Variants in BCL11A observed in about 807,000 individuals in gnomAD.
BCL11A encodes the protein B cell CLL/lymphoma 11A.
A neutral mutation model predicts 55.9 loss-of-function variants in BCL11A; 2 were observed. The observed-to-expected ratio is 0.04, with a 90% CI of 0.01 to 0.11. BCL11A has a LOEUF of 0.11. Among genes scored for constraint, BCL11A ranks in the 10% least tolerant of loss-of-function variants. The probability of loss-of-function intolerance (pLI) is 1.00; values close to 1 mark genes in which losing one functional copy is unlikely to be tolerated. For missense variants in BCL11A, 817 were observed against 1,137.1 expected, an observed-to-expected ratio of 0.72 and a Z score of 4.05; for synonymous variants, 465 against 473.4, an observed-to-expected ratio of 0.98 and a Z score of 0.23.
exon 5 of BCL11A, chr2:60,451,873 AGG>A (rs1200163189): frequency 4.9e-6 from 1 of 202,994 alleles, no homozygotes; most frequent in Non-Finnish European, 9.9e-6. Context: ...TCAGACAGTT[AGG>A]AAAACCACAC....
intron 2 of BCL11A, among the ~76,000 whole-genome samples, chr2:60,509,133 C>T (rs1310772840): frequency 6.6e-6 from 1 of 152,228 alleles, no homozygotes; most frequent in African/African-American, 2.4e-5. Flanking sequence ...AGCTGAGAAA[C>T]AAGAAAGCAA....
At chr2:60,478,791 C>T (rs1431135697) in intron 2 of BCL11A, among the ~76,000 whole-genome samples, 1 of 152,218 alleles carries the variant, frequency 6.6e-6, no homozygotes, top group Non-Finnish European at 1.5e-5. Flanking sequence ...CCCATGACGG[C>T]AAGTCCTTCT....
At chr2:60,527,878 C>T (rs762653956) in intron 2 of BCL11A, 1 of 152,230 alleles carries the variant, frequency 6.6e-6, no homozygotes, top group East Asian at 1.9e-4. Context: ...CTGCAACGAA[C>T]CTCAGGTCTT....
At chr2:60,531,849 T>C (rs1209226997) in intron 2 of BCL11A, among the ~76,000 whole-genome samples, 3 of 152,166 alleles carry the variant, frequency 2.0e-5, no homozygotes, top group Admixed American at 6.5e-5. Context: ...GTTCTGTCAG[T>C]GTCCACCCTG....
intron 2 of BCL11A, among the ~76,000 whole-genome samples, chr2:60,499,264 C>T (rs1020511421): frequency 5.3e-5 from 8 of 152,158 alleles, no homozygotes; most frequent in Admixed American, 2.6e-4. Flanking sequence ...TTCCGTCACT[C>T]CCACAGAGCT....
chr2:60,505,269 A>G (rs995580573), intron 2 of BCL11A, among the ~76,000 whole-genome samples: 4 of 152,268 alleles, frequency 2.6e-5, no homozygotes, highest in African/African-American at 9.6e-5. Flanking sequence ...GAAGGGACGG[A>G]TACTCAGAAA....
intron 2 of BCL11A, chr2:60,534,380 T>C (rs970387966): frequency 2.0e-5 from 3 of 152,246 alleles, no homozygotes; most frequent in Non-Finnish European, 2.9e-5. Context: ...ACCTAAAGCA[T>C]TGTTAGAAAG....
chr2:60,510,748 C>T (rs910902254), intron 2 of BCL11A, among the ~76,000 whole-genome samples: 1 of 152,166 alleles, frequency 6.6e-6, no homozygotes, highest in Non-Finnish European at 1.5e-5. Flanking sequence ...TGCCAGGAGG[C>T]CACTCAATGC....
intron 2 of BCL11A, among the ~76,000 whole-genome samples, chr2:60,476,413 A>C (rs946541524): frequency 2.0e-5 from 3 of 152,198 alleles, no homozygotes; most frequent in African/African-American, 7.2e-5. Flanking sequence ...CCAGTAGCAA[A>C]GCTCGGCCTC....
intron 2 of BCL11A, among the ~76,000 whole-genome samples, chr2:60,500,907 G>T (rs369581451): frequency 6.6e-6 from 1 of 152,140 alleles, no homozygotes; most frequent in Non-Finnish European, 1.5e-5. Context: ...TGGCCAACCT[G>T]GGGTTGCTGA....
intron 2 of BCL11A, among the ~76,000 whole-genome samples, chr2:60,472,820 C>A (rs1258066706): frequency 6.6e-6 from 1 of 152,190 alleles, no homozygotes; most frequent in African/African-American, 2.4e-5. Flanking sequence ...GTCTACTAAT[C>A]AACAGGTAAT....
chr2:60,463,814 C>T (rs1397163566), intron 3 of BCL11A, among the ~76,000 whole-genome samples: 1 of 151,562 alleles, frequency 6.6e-6, no homozygotes, highest in East Asian at 1.9e-4. Context: ...AAAAAAAAAG[C>T]CTTAAAATAT....
At chr2:60,528,808 G>A (rs555276704) in intron 2 of BCL11A, among the ~76,000 whole-genome samples, 9 of 152,290 alleles carry the variant, frequency 5.9e-5, no homozygotes, top group African/African-American at 2.2e-4. Context: ...CAGACACATG[G>A]TAATAATGAC....
chr2:60,510,428 C>G (rs1200374826), intron 2 of BCL11A, among the ~76,000 whole-genome samples: 1 of 152,168 alleles, frequency 6.6e-6, no homozygotes, highest in East Asian at 1.9e-4. Context: ...ACTTCCTCAC[C>G]TCTTTGGAGC....
intron 2 of BCL11A, chr2:60,536,781 A>G (rs1669687269): frequency 6.6e-6 from 1 of 152,194 alleles, no homozygotes; most frequent in Admixed American, 6.5e-5. Flanking sequence ...ATACCTATAT[A>G]CTTAATATAT....
intron 2 of BCL11A, among the ~76,000 whole-genome samples, chr2:60,508,093 G>C (rs1458957228): frequency 2.6e-5 from 4 of 152,094 alleles, no homozygotes; most frequent in Admixed American, 2.0e-4. Context: ...CTCATGTCAT[G>C]GTGCTTACTG....
At chr2:60,543,335 C>T (rs1156943542) in intron 2 of BCL11A, 1 of 152,200 alleles carries the variant, frequency 6.6e-6, no homozygotes. Flanking sequence ...TCTAGAGATT[C>T]ATCAATATAT....
intron 2 of BCL11A, chr2:60,522,647 C>T (rs1381357120): frequency 2.0e-5 from 3 of 152,248 alleles, no homozygotes; most frequent in African/African-American, 7.2e-5. Flanking sequence ...CTGTGACAGT[C>T]CTCCCACATC....
intron 2 of BCL11A, among the ~76,000 whole-genome samples, chr2:60,538,739 C>CTCTGTGTGTGTG (rs1436371909): frequency 4.4e-5 from 3 of 67,432 alleles, no homozygotes; most frequent in Non-Finnish European, 1.1e-4. Context: ...CTCTCTCTCT[C>CTCTGTGTGTGTG]TGTGTGTGTG....
Sources: gnomAD v4.1 joint callset for allele counts (sites outside exome capture counted in the v4.1 genomes callset) on GRCh38, gnomAD v4.1.1 for gene constraint, MANE v1.5 for transcripts, NCBI Gene and HGNC (gene_info 2026-07-23, HGNC 2026-07-21) for gene names.